PPP2R2B: variants seen among roughly 807,000 people sequenced by gnomAD.
The protein encoded by PPP2R2B is protein phosphatase 2 regulatory subunit Bbeta, also known as serine/threonine-protein phosphatase 2A 55 kDa regulatory subunit B beta isoform.
Under a neutral mutation model 46.0 loss-of-function variants are expected in PPP2R2B, and 5 were observed. The observed-to-expected ratio is 0.11, with a 90% confidence interval of 0.06 to 0.23. PPP2R2B has a LOEUF of 0.23. PPP2R2B is among the 10% of genes least tolerant of loss of function. The pLI is 1.00. For missense variants in PPP2R2B, 367 were observed against 575.0 expected (o/e 0.64, Z 3.70); for synonymous variants, 215 against 206.7 (o/e 1.04, Z -0.34).
At chr5:146,847,035 T>C (rs1054216455) in intron 2 of PPP2R2B, among the ~76,000 whole-genome samples, 1 of 152,254 alleles carries the variant, frequency 6.6e-6, no homozygotes, top group Non-Finnish European at 1.5e-5. Context: ...CATATAATTT[T>C]AGAATCATTA....
intron 2 of PPP2R2B, among the ~76,000 whole-genome samples, chr5:146,776,262 G>C (rs944997245): frequency 6.6e-6 from 1 of 152,078 alleles, no homozygotes; most frequent in Non-Finnish European, 1.5e-5. Flanking sequence ...TTACTGCAAA[G>C]CTATATTAAT....
chr5:146,592,397 C>A (rs1403800985), intron 9 of PPP2R2B, among the ~76,000 whole-genome samples: 1 of 152,198 alleles, frequency 6.6e-6, no homozygotes, highest in Admixed American at 6.5e-5. Flanking sequence ...GCACTTAGTT[C>A]TCATGGAAAT....
exon 2 of PPP2R2B, chr5:147,081,076 T>C: frequency 1.3e-6 from 2 of 1,535,530 alleles, no homozygotes; most frequent in South Asian, 2.4e-5. Context: ...GGTTCCAATC[T>C]CGATAGTGCC....
At chr5:146,728,378 G>A (rs936754512) in intron 2 of PPP2R2B, among the ~76,000 whole-genome samples, 1 of 151,990 alleles carries the variant, frequency 6.6e-6, no homozygotes, top group African/African-American at 2.4e-5. Flanking sequence ...CACTTATTAA[G>A]CAGCAAAAAC....
At chr5:146,596,740 T>A (rs1003182396) in intron 8 of PPP2R2B, among the ~76,000 whole-genome samples, 1 of 152,186 alleles carries the variant, frequency 6.6e-6, no homozygotes, top group South Asian at 2.1e-4. Flanking sequence ...GGGCAAGTGA[T>A]GTGGAGCCAA....
At chr5:146,917,890 C>T (rs551910709) in intron 1 of PPP2R2B, 32 of 152,212 alleles carry the variant, frequency 2.1e-4, no homozygotes, top group African/African-American at 7.2e-4. Flanking sequence ...CAGTAAAGTG[C>T]CAAGCAATCT....
chr5:146,959,927 T>C (rs140021674), intron 1 of PPP2R2B, among the ~76,000 whole-genome samples: 23 of 152,254 alleles, frequency 1.5e-4, no homozygotes, highest in Non-Finnish European at 2.8e-4. Flanking sequence ...AGACAGATCA[T>C]ATTTCCCAAG....
intron 2 of PPP2R2B, among the ~76,000 whole-genome samples, chr5:146,729,826 A>T (rs955302440): frequency 1.3e-5 from 2 of 152,254 alleles, no homozygotes; most frequent in Admixed American, 1.3e-4. Context: ...CTGGATGCCC[A>T]GGCAAAAGTT....
intron 5 of PPP2R2B, among the ~76,000 whole-genome samples, chr5:146,678,096 G>T (rs942678390): frequency 1.3e-4 from 20 of 152,120 alleles, no homozygotes; most frequent in African/African-American, 4.8e-4. Context: ...GCTGTTGGGA[G>T]GCCAGGTAAC....
rs758845118 is a variant in PPP2R2B at position 146,592,987 on chromosome 5, A to G, written c.1036T>C (p.Trp346Arg). 1.9e-6 allele frequency: 3 copies of G among 1,613,136 alleles called. No individual in the cohort carries two copies. The highest frequency in any genetic ancestry group is 3.3e-5 in the Admixed American group (2 of 60,010). ...CTTTCTTACCTGTCTGACCCATTCC[A>G]CACACACTCAAATTTATCAAAAATG... Reference protein sequence around the residue: ...DCIFDKFECVWNGSDSVIMTG... With the variant: ...DCIFDKFECVRNGSDSVIMTG... Residue 346 changes from tryptophan (W) to arginine (R), a missense_variant, in exon 9 of 10, where the codon TGG becomes CGG. Around this residue, in one of 2 missense-constraint regions of PPP2R2B, gnomAD observed 361 missense variants for 545.5 expected, o/e 0.66. Transcript: ENST00000394411.
intron 7 of PPP2R2B, among the ~76,000 whole-genome samples, chr5:146,615,515 TAA>T (rs1364774106): frequency 4.8e-3 from 343 of 71,032 alleles, no homozygotes; most frequent in African/African-American, 0.015. Context: ...AAAAAAAAAT[TAA>T]AAAAAAAAAA....
At chr5:147,046,620 A>C (rs1221775332) in intron 1 of PPP2R2B, among the ~76,000 whole-genome samples, 3 of 152,016 alleles carry the variant, frequency 2.0e-5, no homozygotes, top group Non-Finnish European at 2.9e-5. Flanking sequence ...TCAAAAGAGC[A>C]CTGATCAGTG....
rs1440933450 is a variant in PPP2R2B at position 146,587,064 on chromosome 5, G to T, written c.*2883C>A. ...CTTACCAAGCAGCAGGCCTTGTGGG[G>T]TAAAGTAGTATAGGGCCCTTAGAAT... On this transcript the variant is annotated 3_prime_UTR_variant, in exon 10 of 10. Coordinates refer to ENST00000394411, the MANE Select transcript of PPP2R2B (RefSeq NM_181675.4). The T allele has an allele frequency of 6.6e-6, 1 of 152,162 alleles. No homozygotes were observed. Among genetic ancestry groups the T allele is most frequent in the Non-Finnish European group, 1.5e-5 (1 of 68,036 alleles). 9.4% of individuals were successfully genotyped at this position (152,162 alleles called of 1,614,324 possible).
upstream of PPP2R2B, chr5:147,056,103 G>C: frequency 9.5e-7 from 1 of 1,056,326 alleles, no homozygotes; most frequent in East Asian, 6.9e-5. Context: ...CGTGTGGTGA[G>C]TTTCTCTTTT....
rs1397017730 is a variant in PPP2R2B at position 146,928,858 on chromosome 5, T to C, written c.79+126807A>G. 3.9e-5 allele frequency among the ~76,000 whole-genome samples: 6 copies of C among 152,242 alleles called. No individual in the cohort carries two copies. In the East Asian group the frequency reaches 1.2e-3, roughly 29 times the overall value. ...GACTTACAATACTCTTCATAGTCTG[T>C]CTTGCCACCTTCTTCAATTCACTCA... On this transcript the variant is annotated intron_variant, in intron 1 of 8. Transcript: ENST00000336640.
intron 2 of PPP2R2B, among the ~76,000 whole-genome samples, chr5:146,845,305 C>CTTCTTTT (rs1554144637): frequency 2.7e-5 from 2 of 74,074 alleles, no homozygotes; most frequent in African/African-American, 1.0e-4. Context: ...TTTTCCTTTT[C>CTTCTTTT]TTTTTTTTGT....
At chr5:146,842,265 T>C (rs1034447108) in intron 2 of PPP2R2B, among the ~76,000 whole-genome samples, 16 of 152,312 alleles carry the variant, frequency 1.1e-4, no homozygotes, top group African/African-American at 2.9e-4. Flanking sequence ...GCTGTACATT[T>C]ACAGCTTTCT....
At chr5:146,706,629 G>T (rs953968918) in intron 2 of PPP2R2B, 17 of 808,764 alleles carry the variant, frequency 2.1e-5, no homozygotes, top group Non-Finnish European at 3.2e-5. Flanking sequence ...TGCGATGCCG[G>T]CCTCCAGGGA....
chr5:146,899,601 G>A (rs906171113), intron 1 of PPP2R2B, among the ~76,000 whole-genome samples: 3 of 151,804 alleles, frequency 2.0e-5, no homozygotes, highest in African/African-American at 7.3e-5. Context: ...TTGTGCACAT[G>A]TACCCTAAAA....
Sources: allele counts gnomAD v4.1 joint callset (sites outside exome capture counted in the v4.1 genomes callset), GRCh38; gene constraint gnomAD v4.1.1; regional missense constraint gnomAD v4.1.1; transcripts MANE v1.5; gene names NCBI Gene and HGNC (gene_info 2026-07-23, HGNC 2026-07-21).